CIITA: variants seen among roughly 807,000 people sequenced by gnomAD.
CIITA encodes class II major histocompatibility complex transactivator, also known as MHC class II transactivator.
A neutral mutation model predicts 115.1 loss-of-function variants in CIITA; 72 were observed. That is an observed-to-expected ratio of 0.63 (90% CI 0.52 to 0.76). CIITA has a LOEUF of 0.76. Ranked by LOEUF, CIITA falls within the 30% of genes least tolerant of loss-of-function variation. The pLI is 0.00. For synonymous variants in CIITA, 763 were observed against 635.6 expected (o/e 1.20, Z -3.02); for missense variants, 1,617 against 1,463.8 (o/e 1.10, Z -1.71).
intron 1 of CIITA, among the ~76,000 whole-genome samples, chr16:10,890,698 C>A (rs1424314329): frequency 6.6e-6 from 1 of 152,168 alleles, no homozygotes; most frequent in Non-Finnish European, 1.5e-5. Flanking sequence ...GGGAAAGGGT[C>A]CCTTTGTCAC....
In CIITA at chr16:10,907,920, C is replaced by T; in HGVS notation, c.2428C>T (p.Leu810=). The part of the protein sequence containing the change: ...TLRARQLLEL[L]HCAHEAEEAG... ...GCGGGCGCGGCAGCTGCTGGAGCTG[C>T]TGCACTGCGCCCACGAGGCCGAGGA... The change falls in exon 11 of 20, where the codon CTG becomes TTG. Residue 810 remains leucine (L), a synonymous_variant. Coordinates refer to ENST00000324288, the MANE Select transcript of CIITA (RefSeq NM_000246.4). The surrounding 1 kb of genome is among the most constrained non-coding windows in gnomAD (Gnocchi z 5.0). 6.4e-7 allele frequency: 1 copy of T among 1,569,254 alleles called. No individual in the cohort carries two copies. Among genetic ancestry groups the T allele is most frequent in the Non-Finnish European group, 8.6e-7 (1 of 1,159,344 alleles).
At chr16:10,941,202 C>T (rs1423050779), downstream of CIITA, 1 of 155,312 alleles carries the variant, frequency 6.4e-6, no homozygotes, top group African/African-American at 2.4e-5. This position sits in a 1 kb window ranked among gnomAD's most constrained non-coding sequence, Gnocchi z 6.4. Context: ...CGAGAATCCC[C>T]CAAAAGCCAA....
At chr16:10,881,351 G>C (rs1267205725) in intron 1 of CIITA, among the ~76,000 whole-genome samples, 2 of 152,142 alleles carry the variant, frequency 1.3e-5, no homozygotes, top group Non-Finnish European at 1.5e-5. Context: ...GCAGATGGGA[G>C]GTTTCCAAAG....
Position 10,933,179 on chromosome 16 carries a change from C to T in CIITA, c.*9324C>T, listed in dbSNP as rs1047109190. On this transcript the variant is annotated 3_prime_UTR_variant, in exon 20 of 20. Transcript: ENST00000324288. ...TGAAACTGTAACCTTTCATTCCAGC[C>T]ATTCCCCAGAGCTGGACAGAGGACG... 1.3e-5 allele frequency: 2 copies of T among 152,224 alleles called. No homozygotes were observed. Among genetic ancestry groups the T allele is most frequent in the African/African-American group, 4.8e-5 (2 of 41,424 alleles). 9.4% of individuals were successfully genotyped at this position (152,224 alleles called of 1,614,324 possible). A position where few individuals can be genotyped will look rare whatever the true frequency, so the allele number is the denominator to read the frequency against.
chr16:10,891,728 G>C (rs765259813), intron 1 of CIITA, among the ~76,000 whole-genome samples: 41 of 152,208 alleles, frequency 2.7e-4, no homozygotes, highest in Admixed American at 2.3e-3. Context: ...TTGTGCCTGT[G>C]TCCCTGACCA....
intron 13 of CIITA, among the ~76,000 whole-genome samples, chr16:10,914,249 A>G (rs1208942338): frequency 6.6e-6 from 1 of 152,134 alleles, no homozygotes; most frequent in African/African-American, 2.4e-5. Flanking sequence ...ATATTTGAGG[A>G]GATCAAGACT....
chr16:10,941,949 G>C lies in CIITA; in HGVS notation n.1075G>C. ...TAGAGGGCAGCAGCGGCGGCGGCACGTAGGGGACCAGGGGGCCCAGTGCGT... is the reference window on the plus strand; with the variant it reads ...TAGAGGGCAGCAGCGGCGGCGGCACCTAGGGGACCAGGGGGCCCAGTGCGT... On this transcript the variant is annotated non_coding_transcript_exon_variant, in exon 2 of 2. Transcript: ENST00000573379. The surrounding 1 kb of genome is among the most constrained non-coding windows in gnomAD (Gnocchi z 6.4). 1.9e-6 allele frequency: 3 copies of C among 1,575,672 alleles called. No individual in the cohort carries two copies. Among genetic ancestry groups the C allele is most frequent in the Non-Finnish European group, 1.7e-6 (2 of 1,161,754 alleles).
intron 1 of CIITA, 48 bp downstream of exon 1, chr16:10,877,430 G>T: frequency 1.3e-6 from 2 of 1,567,676 alleles, no homozygotes; most frequent in Non-Finnish European, 1.7e-6. Context: ...GTCTCAGCTG[G>T]TCCTGCCATT....
chr16:10,918,846 A>G (rs2040109189), intron 16 of CIITA, among the ~76,000 whole-genome samples: 1 of 152,148 alleles, frequency 6.6e-6, no homozygotes, highest in African/African-American at 2.4e-5. Context: ...TCCGGAACCT[A>G]GGGGTGGTGG....
Position 10,879,400 on chromosome 16 carries a change from C to G in CIITA, c.52+2018C>G, listed in dbSNP as rs1567359969. Among the ~76,000 whole-genome samples the G allele has an allele frequency of 6.6e-6, 1 of 152,204 alleles. No homozygotes were observed. Among genetic ancestry groups the G allele is most frequent in the Non-Finnish European group, 1.5e-5 (1 of 68,018 alleles). ...CCGACTCCGCGCGCCCGGGATCCTG[C>G]AGAGGTGCGCGCCCTTCTTGTACGC... On this transcript the variant is annotated intron_variant, in intron 1 of 19. Coordinates refer to ENST00000324288, the MANE Select transcript of CIITA (RefSeq NM_000246.4). The surrounding 1 kb of genome is among the most constrained non-coding windows in gnomAD (Gnocchi z 4.3).
intron 1 of CIITA, among the ~76,000 whole-genome samples, chr16:10,886,062 T>G (rs1462857000): frequency 6.6e-6 from 1 of 150,892 alleles, no homozygotes; most frequent in African/African-American, 2.4e-5. Flanking sequence ...TTTGCCTTTT[T>G]TTTTTTTTTT....
intron 16 of CIITA, among the ~76,000 whole-genome samples, chr16:10,918,956 A>T (rs1334548731): frequency 6.6e-6 from 1 of 151,946 alleles, no homozygotes; most frequent in African/African-American, 2.4e-5. Context: ...TTGGCATAGC[A>T]CCTCTTGCTT....
intron 7 of CIITA, 124 bp downstream of exon 7, chr16:10,902,308 C>T: frequency 1.5e-6 from 2 of 1,367,126 alleles, no homozygotes; most frequent in South Asian, 1.3e-5. Context: ...CAGTGTCACT[C>T]ACCTCTGCCC....
chr16:10,871,259 T>C (rs1013893079), intron 1 of CIITA, among the ~76,000 whole-genome samples: 2 of 152,214 alleles, frequency 1.3e-5, no homozygotes, highest in Non-Finnish European at 2.9e-5. Flanking sequence ...GACTCAGCCT[T>C]GAGGCTGGCG....
At chr16:10,873,707 C>G (rs567578567), upstream of CIITA, among the ~76,000 whole-genome samples, 18 of 152,244 alleles carry the variant, frequency 1.2e-4, no homozygotes, top group African/African-American at 2.9e-4. Flanking sequence ...AGTTACTCCC[C>G]ATCTCTCCCT....
intron 1 of CIITA, among the ~76,000 whole-genome samples, chr16:10,883,061 C>G (rs1036849109): frequency 1.6e-4 from 25 of 152,142 alleles, no homozygotes; most frequent in African/African-American, 6.0e-4. Context: ...CAGATCTCAG[C>G]AAGCAGGACT....
At position 10,868,141 on chromosome 16, in the gene CIITA, T is replaced by C. The variant is rs970474044; in HGVS notation, c.-21+1822T>C. On this transcript the variant is annotated intron_variant, in intron 1 of 5. Transcript: ENST00000636238. ...CTTGAGAGAATAACAGTGATTGACA[T>C]TGATTATTTAGTGTGCCAGAAACAG... is the stretch of plus-strand genomic sequence containing the variant. 3.3e-5 allele frequency among the ~76,000 whole-genome samples: 5 copies of C among 152,292 alleles called. No homozygotes were observed. The East Asian group carries it at 5.8e-4, about 18-fold the overall frequency.
chr16:10,887,432 T>C (rs1259158097), intron 1 of CIITA, among the ~76,000 whole-genome samples: 1 of 151,892 alleles, frequency 6.6e-6, no homozygotes, highest in Non-Finnish European at 1.5e-5. Context: ...AGTTCAGAGG[T>C]CTTCCCATTA....
intron 1 of CIITA, among the ~76,000 whole-genome samples, chr16:10,893,537 A>G (rs1294384830): frequency 6.6e-6 from 1 of 152,070 alleles, no homozygotes; most frequent in African/African-American, 2.4e-5. Context: ...TAAAAAGTAC[A>G]GTTCATGCCT....
Sources: allele counts gnomAD v4.1 joint callset (sites outside exome capture counted in the v4.1 genomes callset), GRCh38; gene constraint gnomAD v4.1.1; non-coding constraint Gnocchi (gnomAD v3.1); transcripts MANE v1.5; gene names NCBI Gene and HGNC (gene_info 2026-07-23, HGNC 2026-07-21).